TG: variants seen among roughly 807,000 people sequenced by gnomAD.
The protein encoded by TG is thyroid hormones.
Under a neutral mutation model 324.7 loss-of-function variants are expected in TG, and 270 were observed. The observed-to-expected ratio is 0.83, with a 90% CI of 0.75 to 0.92. TG has a LOEUF of 0.92. Among genes scored for constraint, TG ranks in the 40% least tolerant of loss-of-function variants. The pLI, the probability that TG is intolerant of heterozygous loss-of-function variation, is 0.00. For synonymous variants in TG, 1,401 were observed against 1,327.0 expected, an observed-to-expected ratio of 1.06 and a Z score of -1.21; for missense variants, 3,591 against 3,456.4, an observed-to-expected ratio of 1.04 and a Z score of -0.98.
chr8:133,113,459 C>G lies in TG; in HGVS notation c.7610C>G (p.Thr2537Arg). ...EESRGRTSSK[T>R]AFYQALQNSL... ...AGTCGAGGCCGGACCAGTAGCAAAA[C>G]AGCCTTTTACCAGGCACTGCAGAAT... is the stretch of plus-strand genomic sequence containing the variant. Residue 2537 changes from threonine to arginine, a missense_variant, in exon 44 of 48, where the codon ACA becomes AGA. Thr to Arg is a moderately conservative substitution (Grantham distance 71). Transcript: ENST00000220616. 6.2e-7 allele frequency: 1 copy of G among 1,613,888 alleles called. No homozygotes were observed. The highest frequency in any genetic ancestry group is 8.5e-7 in the Non-Finnish European group (1 of 1,179,974).
intron 27 of TG, among the ~76,000 whole-genome samples, chr8:132,954,203 G>A (rs994696040): frequency 2.1e-4 from 32 of 152,178 alleles, no homozygotes; most frequent in East Asian, 9.7e-4. Flanking sequence ...GCAATCAGAC[G>A]CATCTAGATG....
At chr8:133,059,199 G>C in intron 41 of TG, 1 of 451,256 alleles carries the variant, frequency 2.2e-6, no homozygotes, top group Middle Eastern at 3.3e-4. Flanking sequence ...ACCCCTGCGA[G>C]GAAATGGGAC....
chr8:133,019,374 G>A (rs993974248), intron 38 of TG, among the ~76,000 whole-genome samples: 2 of 152,216 alleles, frequency 1.3e-5, no homozygotes, highest in Non-Finnish European at 2.9e-5. Context: ...ATTGTCTCTG[G>A]GGAATGTTCT....
At chr8:133,079,411 C>A (rs1036720261) in intron 41 of TG, among the ~76,000 whole-genome samples, 1 of 152,212 alleles carries the variant, frequency 6.6e-6, no homozygotes, top group Non-Finnish European at 1.5e-5. Context: ...GTGAAATGTT[C>A]CCCTATGTAA....
chr8:133,116,835 G>C, intron 45 of TG, 119 bp downstream of exon 45: 1 of 840,646 alleles, frequency 1.2e-6, no homozygotes, highest in South Asian at 1.4e-5. Flanking sequence ...CTGAGAAATA[G>C]AAATAATTGT....
At chr8:132,888,639 T>C in intron 10 of TG, 71 bp downstream of exon 10, 2 of 1,411,118 alleles carry the variant, frequency 1.4e-6, no homozygotes, top group Non-Finnish European at 1.9e-6. Context: ...GTTTAACATA[T>C]AAAAAAGGAT....
In TG at chr8:133,093,139, C is replaced by CTT. The variant is rs752795832; in HGVS notation, c.7240-1894_7240-1893dup. ...TGTGTGTTTTCTTTTCTTTTCTTTT[C>CTT]TTTTTTTTTTTTAATTTAAAGTACA... On this transcript the variant is annotated intron_variant, in intron 41 of 47. Coordinates refer to ENST00000220616, the MANE Select transcript of TG (RefSeq NM_003235.5). Among the ~76,000 whole-genome samples the CTT allele has an allele frequency of 8.2e-5, 12 of 146,404 alleles. 1 individual carries two copies. Among genetic ancestry groups the CTT allele is most frequent in the African/African-American group, 3.1e-4 (12 of 39,210 alleles).
chr8:132,900,417 C>CGT (rs1817748915), intron 15 of TG, 78 bp downstream of exon 15: 1 of 1,319,092 alleles, frequency 7.6e-7, no homozygotes, highest in African/African-American at 1.4e-5. Flanking sequence ...GAGCTGGCTT[C>CGT]GTGTCCCAGC....
chr8:133,022,151 G>T lies in TG; in HGVS notation c.7036+1G>T, dbSNP rs769281672. On this transcript the variant is annotated splice_donor_variant, in intron 40 of 47. Coordinates refer to ENST00000220616, the MANE Select transcript of TG (RefSeq NM_003235.5). LOFTEE classifies it high-confidence loss of function. ...GGTGTCTTCGGCTTCCTGAGTTCTG[G>T]TGAGTTGCTGCCTCTGGTGGGAGCT... The T allele has an allele frequency of 1.1e-5, 18 of 1,614,022 alleles. No individual in the cohort carries two copies. Among genetic ancestry groups the T allele is most frequent in the Non-Finnish European group, 1.4e-5 (17 of 1,180,028 alleles).
intron 27 of TG, among the ~76,000 whole-genome samples, chr8:132,949,569 G>A (rs1479895612): frequency 1.3e-5 from 2 of 152,100 alleles, no homozygotes; most frequent in Non-Finnish European, 2.9e-5. Context: ...TGCCCATCCA[G>A]GCATATTTTC....
At chr8:132,968,385 A>G (rs1828946942) in intron 31 of TG, among the ~76,000 whole-genome samples, 1 of 152,218 alleles carries the variant, frequency 6.6e-6, no homozygotes, top group Non-Finnish European at 1.5e-5. Flanking sequence ...CCTTTAATAC[A>G]TGCATCAGAA....
chr8:133,123,215 C>G (rs1192112332), intron 45 of TG, among the ~76,000 whole-genome samples: 1 of 152,000 alleles, frequency 6.6e-6, no homozygotes, highest in Non-Finnish European at 1.5e-5. Context: ...GTAGCAACCC[C>G]TCTCCCAGAC....
intron 35 of TG, among the ~76,000 whole-genome samples, chr8:133,001,299 G>T (rs1250245391): frequency 1.3e-5 from 2 of 152,142 alleles, no homozygotes; most frequent in East Asian, 3.9e-4. Flanking sequence ...TCGAAGATAA[G>T]AGTGTGCTCA....
chr8:132,995,392 C>T (rs1330259087), intron 35 of TG: 30 of 985,048 alleles, frequency 3.0e-5, no homozygotes, highest in Middle Eastern at 5.2e-4. Context: ...GCAACGGTGC[C>T]GCCTTAGGAG....
At chr8:133,006,954 C>A (rs1327051821) in intron 35 of TG, among the ~76,000 whole-genome samples, 1 of 152,106 alleles carries the variant, frequency 6.6e-6, no homozygotes, top group Non-Finnish European at 1.5e-5. Context: ...GAAAACCTGG[C>A]ACGTTTTAAG....
Position 132,888,047 on chromosome 8 carries a change from C to CT in TG, c.2241dup (p.Asn748Ter). On this transcript the variant is annotated frameshift_variant, in exon 10 of 48. Coordinates refer to ENST00000220616, the MANE Select transcript of TG (RefSeq NM_003235.5). LOFTEE classifies it high-confidence loss of function. ...CTCAGGACGGTGCAGGCCCTGCTCT[C>CT]TAACTCCAGCATGCTACCCACCCTT... 1.9e-6 allele frequency: 3 copies of CT among 1,614,216 alleles called. No homozygotes were observed. Among genetic ancestry groups the CT allele is most frequent in the Non-Finnish European group, 2.5e-6 (3 of 1,180,050 alleles).
chr8:133,043,380 C>T (rs1317744022), intron 41 of TG, among the ~76,000 whole-genome samples: 1 of 152,228 alleles, frequency 6.6e-6, no homozygotes, highest in African/African-American at 2.4e-5. Context: ...AATACCACAA[C>T]CAACCTTTTC....
intron 26 of TG, among the ~76,000 whole-genome samples, chr8:132,941,907 C>T (rs1185081202): frequency 1.3e-5 from 2 of 152,166 alleles, no homozygotes; most frequent in Admixed American, 6.5e-5. Flanking sequence ...TTGTGTCTTC[C>T]ACAGCACCTT....
intron 14 of TG, among the ~76,000 whole-genome samples, chr8:132,899,455 A>C (rs879757703): frequency 2.0e-5 from 3 of 152,164 alleles, no homozygotes; most frequent in Non-Finnish European, 2.9e-5. Flanking sequence ...CTTTTTCTAA[A>C]ATAGGATGGT....
Sources: allele counts gnomAD v4.1 joint callset (sites outside exome capture counted in the v4.1 genomes callset), GRCh38; gene constraint gnomAD v4.1.1; transcripts MANE v1.5; gene names NCBI Gene and HGNC (gene_info 2026-07-23, HGNC 2026-07-21).